JADE2: variants seen among roughly 807,000 people sequenced by gnomAD.
JADE2 encodes E3 ubiquitin-protein ligase Jade-2.
A neutral mutation model predicts 85.7 loss-of-function variants in JADE2; 13 were observed. The ratio of observed to expected loss-of-function variants is 0.15; its 90% CI spans 0.10 to 0.24. The LOEUF is 0.24. Ranked by LOEUF, JADE2 falls within the 10% of genes least tolerant of loss-of-function variation. The pLI is 1.00. For synonymous variants in JADE2, 440 were observed against 456.1 expected (o/e 0.96, Z 0.45); for missense variants, 846 against 1,115.9 (o/e 0.76, Z 3.45).
chr5:134,578,045 T>G lies in JADE2; in HGVS notation c.1682-449T>G, dbSNP rs1292976761. On this transcript the variant is annotated intron_variant, in intron 11 of 11. Coordinates refer to ENST00000681547, the MANE Select transcript of JADE2 (RefSeq NM_001388185.1). This position sits in a 1 kb window ranked among gnomAD's most constrained non-coding sequence, Gnocchi z 4.4. ...ATGGGGGTAGTGGGCAGGTCCAACT[T>G]CGTGGGTAGCAACCTGTGCAGTGCC... Among the ~76,000 whole-genome samples, 1 of 152,156 alleles carries G rather than the reference T, an allele frequency of 6.6e-6. No individual in the cohort carries two copies. The highest frequency in any genetic ancestry group is 1.5e-5 in the Non-Finnish European group (1 of 68,032).
rs748094410 is a variant in JADE2, at chr5:134,560,971, C to G, written c.684+14C>G. On this transcript the variant is annotated intron_variant, in intron 6 of 11. Transcript: ENST00000681547. ...TGTGTGCATCAGGTGGGCAGACCCC[C>G]CAGTCACCCTCACCTGTGCCATGTA... The G allele has an allele frequency of 3.7e-6, 6 of 1,606,314 alleles. No homozygotes were observed. Among genetic ancestry groups the G allele is most frequent in the African/African-American group, 1.3e-5 (1 of 74,858 alleles).
At chr5:134,563,067 G>A (rs1763420103) in intron 7 of JADE2, among the ~76,000 whole-genome samples, 1 of 151,676 alleles carries the variant, frequency 6.6e-6, no homozygotes, top group Non-Finnish European at 1.5e-5. Context: ...CCTTCAAAGA[G>A]AATCGGGTGG....
rs1002541709 is a variant in JADE2, at chr5:134,580,302, ACTC to A, written c.*991_*993del. On this transcript the variant is annotated 3_prime_UTR_variant, in exon 12 of 12. Coordinates refer to ENST00000681547, the MANE Select transcript of JADE2 (RefSeq NM_001388185.1). ...CTTCTTCCGTGGTTTCCTTTTGGAA[ACTC>A]CTCCTTCCAACAAGCAGTGGGATCC... 22 of 149,926 alleles carry A rather than the reference ACTC, an allele frequency of 1.5e-4. No individual in the cohort carries two copies. The highest frequency in any genetic ancestry group is 4.7e-4 in the African/African-American group (19 of 40,308). 9.3% of individuals were successfully genotyped at this position (149,926 alleles called of 1,614,324 possible). A position where few individuals can be genotyped will look rare whatever the true frequency, so the allele number is the denominator to read the frequency against.
chr5:134,539,043 T>TTTTATTTA (rs58839611), intron 3 of JADE2, among the ~76,000 whole-genome samples: 13,945 of 134,326 alleles, frequency 0.1, 960 homozygotes, highest in Admixed American at 0.18. Context: ...TTTATTTTTA[T>TTTTATTTA]TTTATTTATT....
intron 9 of JADE2, among the ~76,000 whole-genome samples, chr5:134,567,526 T>A (rs1005883383): frequency 6.6e-6 from 1 of 152,146 alleles, no homozygotes; most frequent in Non-Finnish European, 1.5e-5. Flanking sequence ...CGTGTCACAG[T>A]GTCTCCCCTG....
At chr5:134,543,170 G>T (rs1358133587) in intron 3 of JADE2, among the ~76,000 whole-genome samples, 1 of 151,520 alleles carries the variant, frequency 6.6e-6, no homozygotes, top group Non-Finnish European at 1.5e-5. Context: ...AAGTAGCTAG[G>T]ATTACAGGTG....
At chr5:134,544,259 C>G (rs950315218) in intron 3 of JADE2, among the ~76,000 whole-genome samples, 2 of 152,228 alleles carry the variant, frequency 1.3e-5, no homozygotes, top group Non-Finnish European at 2.9e-5. Context: ...GGGCCTAGCT[C>G]AGTGCTGGGG....
chr5:134,550,956 A>C (rs898666609), intron 3 of JADE2, among the ~76,000 whole-genome samples: 6 of 151,972 alleles, frequency 3.9e-5, no homozygotes, highest in Admixed American at 6.6e-5. Flanking sequence ...AACACACACA[A>C]AGCCGGTCGA....
At chr5:134,537,883 T>C in intron 2 of JADE2, 106 bp from the exon 3 acceptor site, 2 of 812,776 alleles carry the variant, frequency 2.5e-6, no homozygotes, top group Non-Finnish European at 4.2e-6. Context: ...TTCTCCCTCA[T>C]GAACATTCTA....
At position 134,564,594 on chromosome 5, in the gene JADE2, C is replaced by T; in HGVS notation, c.953C>T (p.Thr318Ile). 1 of 1,553,380 alleles carries T rather than the reference C, an allele frequency of 6.4e-7. No homozygotes were observed. The highest frequency in any genetic ancestry group is 1.2e-5 in the South Asian group (1 of 83,948). Residue 318 changes from threonine to isoleucine, a missense_variant, in exon 8 of 12, where the codon ACA (threonine) becomes ATA (isoleucine). Physicochemically the swap from Thr to Ile is moderately conservative, Grantham distance 89 (BLOSUM62 -1). This residue lies in a region of JADE2 where 129 missense variants were observed against 255.4 expected (regional missense o/e 0.51). Coordinates refer to ENST00000681547, the MANE Select transcript of JADE2 (RefSeq NM_001388185.1). ...ALSCSLCKEC[T>I]GTCIQCSMPS... Reference sequence around the variant, plus strand: ...TCCTGCAGCCTCTGCAAGGAATGCACAGGCACCTGCATCCAGGTATGTGGC... The same window carrying T: ...TCCTGCAGCCTCTGCAAGGAATGCATAGGCACCTGCATCCAGGTATGTGGC...
Position 134,579,050 on chromosome 5 carries a change from T to TA in JADE2, c.2240dup (p.Pro748AlafsTer23). On this transcript the variant is annotated frameshift_variant, in exon 12 of 12. Transcript: ENST00000681547. LOFTEE classifies it high-confidence loss of function. The surrounding 1 kb of genome is among the most constrained non-coding windows in gnomAD (Gnocchi z 4.6). Reference sequence around the variant, plus strand: ...AAGTGCCTGGCCCTGCAGCAAGCCCTAAGCCTTTGGGCCGGCTCCGGCCAC... The same window carrying TA: ...AAGTGCCTGGCCCTGCAGCAAGCCCTAAAGCCTTTGGGCCGGCTCCGGCCAC... 6.2e-7 allele frequency: 1 copy of TA among 1,614,048 alleles called. No homozygotes were observed.
Position 134,579,423 on chromosome 5 carries a change from G to T in JADE2, c.*106G>T. 1.2e-6 allele frequency: 1 copy of T among 846,710 alleles called. No homozygotes were observed. The highest frequency in any genetic ancestry group is 1.8e-6 in the Non-Finnish European group (1 of 561,316). The allele number at this position is 846,710 out of a possible 1,614,324, so 52.4% of individuals were successfully genotyped here. A position where few individuals can be genotyped will look rare whatever the true frequency, so the allele number is the denominator to read the frequency against. Reference sequence around the variant, plus strand: ...CTGCTGAGTGTCCCAGACCCTCGAGGCTGCCACTCCGTCGTGGTTTTATTT... The same window carrying T: ...CTGCTGAGTGTCCCAGACCCTCGAGTCTGCCACTCCGTCGTGGTTTTATTT... On this transcript the variant is annotated 3_prime_UTR_variant, in exon 12 of 12. Coordinates refer to ENST00000681547, the MANE Select transcript of JADE2 (RefSeq NM_001388185.1). The surrounding 1 kb of genome is among the most constrained non-coding windows in gnomAD (Gnocchi z 4.6).
intron 9 of JADE2, among the ~76,000 whole-genome samples, chr5:134,568,095 G>T (rs2096314134): frequency 6.6e-6 from 1 of 152,178 alleles, no homozygotes; most frequent in Admixed American, 6.5e-5. Context: ...CCTCAGAACT[G>T]ACCTCTCTGT....
At chr5:134,533,736 CTTTTTTTTTTTTTTTTT>C in intron 1 of JADE2, 1 of 111,094 alleles carries the variant, frequency 9.0e-6, no homozygotes, top group Non-Finnish European at 1.7e-5. Flanking sequence ...CACACTCTCT[CTTTTTTTTTTTTTTTTT>C]TTTTTTTTTT....
In JADE2 at chr5:134,566,244, C is replaced by A. The variant is rs148155246; in HGVS notation, c.1098C>A (p.Asp366Glu). 6.2e-7 allele frequency: 1 copy of A among 1,614,134 alleles called. No individual in the cohort carries two copies. The highest frequency in any genetic ancestry group is 1.1e-5 in the South Asian group (1 of 91,078). The change falls in exon 9 of 12, where the codon GAC (aspartate) becomes GAA (glutamate). Residue 366 changes from aspartate to glutamate, a missense_variant. Around this residue, in one of 9 missense-constraint regions of JADE2, gnomAD observed 39 missense variants for 37.6 expected, o/e 1.04. Coordinates refer to ENST00000681547, the MANE Select transcript of JADE2 (RefSeq NM_001388185.1). This position sits in a 1 kb window ranked among gnomAD's most constrained non-coding sequence, Gnocchi z 6.7. ...AGTCATTCTGCCAGGAGCACAGTGA[C>A]GGGGGCCCACGTAATGAGCCCACAT... ...KFKSFCQEHS[D>E]GGPRNEPTSE...
chr5:134,561,726 C>A (rs1561751649), intron 6 of JADE2, among the ~76,000 whole-genome samples: 1 of 152,210 alleles, frequency 6.6e-6, no homozygotes, highest in Non-Finnish European at 1.5e-5. Context: ...TAAACAAACA[C>A]ATCCCTTATA....
chr5:134,562,384 G>A lies in JADE2; in HGVS notation c.852+17G>A, dbSNP rs1201496429. The A allele has an allele frequency of 1.3e-6, 2 of 1,599,522 alleles. No homozygotes were observed. Among genetic ancestry groups the A allele is most frequent in the Non-Finnish European group, 1.7e-6 (2 of 1,170,030 alleles). ...ATTCCTGAGGTGGGTGAGCGTGGAGGTGAGGCAGCCCAAGGAATAGCCCGT... is the reference window on the plus strand; with the variant it reads ...ATTCCTGAGGTGGGTGAGCGTGGAGATGAGGCAGCCCAAGGAATAGCCCGT... On this transcript the variant is annotated intron_variant, in intron 7 of 11. Transcript: ENST00000681547. The surrounding 1 kb of genome is among the most constrained non-coding windows in gnomAD (Gnocchi z 4.6).
chr5:134,562,351 C>T lies in JADE2; in HGVS notation c.836C>T (p.Ala279Val), dbSNP rs773706007. 6.2e-7 allele frequency: 1 copy of T among 1,612,180 alleles called. No individual in the cohort carries two copies. The stretch of plus-strand genomic sequence containing the variant: ...ACCAAGTGGGTGCATGTCAGCTGTG[C>T]CCTATGGATTCCTGAGGTGGGTGAG... ...SGTKWVHVSC[A>V]LWIPEVSIGC... The change falls in exon 7 of 12, where the codon GCC (alanine) becomes GTC (valine). Residue 279 changes from alanine to valine, a missense_variant. Coordinates refer to ENST00000681547, the MANE Select transcript of JADE2 (RefSeq NM_001388185.1). The surrounding 1 kb of genome is among the most constrained non-coding windows in gnomAD (Gnocchi z 4.6).
At chr5:134,571,521 AC>A (rs1303152299) in intron 9 of JADE2, among the ~76,000 whole-genome samples, 1 of 152,030 alleles carries the variant, frequency 6.6e-6, no homozygotes, top group Non-Finnish European at 1.5e-5. Flanking sequence ...ACATGGTGAA[AC>A]CCCATCTCTA....
Sources: allele counts gnomAD v4.1 joint callset (sites outside exome capture counted in the v4.1 genomes callset), GRCh38; gene constraint gnomAD v4.1.1; regional missense constraint gnomAD v4.1.1; non-coding constraint Gnocchi (gnomAD v3.1); transcripts MANE v1.5; gene names NCBI Gene and HGNC (gene_info 2026-07-23, HGNC 2026-07-21).